RNASEH1: variants seen among roughly 807,000 people sequenced by gnomAD.
The protein encoded by RNASEH1 is ribonuclease H1.
RNASEH1 carries 27 observed loss-of-function variants against 34.6 expected under a neutral mutation model. The ratio of observed to expected loss-of-function variants is 0.78; its 90% CI spans 0.58 to 1.08. The LOEUF (loss-of-function observed/expected upper bound fraction) is 1.08. Ranked by LOEUF, RNASEH1 falls within the 50% of genes least tolerant of loss-of-function variation. The pLI is 0.00. For missense variants in RNASEH1, 349 were observed against 373.6 expected, an observed-to-expected ratio of 0.93 and a Z score of 0.54; for synonymous variants, 162 against 138.4, an observed-to-expected ratio of 1.17 and a Z score of -1.20.
the RNASEH1 span, chr2:3,534,099 TAG>T: frequency 3.3e-5 from 5 of 152,248 alleles, no homozygotes; most frequent in African/African-American, 1.2e-4. Flanking sequence ...CACCTTTGGG[TAG>T]AGACTACTCA....
downstream of RNASEH1, among the ~76,000 whole-genome samples, chr2:3,541,283 C>T (rs184123674): frequency 6.2e-3 from 940 of 150,642 alleles, 9 homozygotes; most frequent in African/African-American, 0.022. Context: ...GAGCCAAGAT[C>T]ACGCCACTGC....
chr2:3,554,658 TAAGA>T (rs1660313613), intron 2 of RNASEH1, among the ~76,000 whole-genome samples: 1 of 152,242 alleles, frequency 6.6e-6, no homozygotes, highest in Non-Finnish European at 1.5e-5. Flanking sequence ...TAGCTTGCTT[TAAGA>T]GTCAGAGTAC....
At chr2:3,554,789 A>G (rs1198087275) in intron 2 of RNASEH1, among the ~76,000 whole-genome samples, 2 of 152,236 alleles carry the variant, frequency 1.3e-5, no homozygotes, top group Non-Finnish European at 2.9e-5. Flanking sequence ...TAAGAAAAGG[A>G]AGTATCAGGA....
chr2:3,557,837 A>G (rs749150117), intron 1 of RNASEH1: 155 of 1,385,266 alleles, frequency 1.1e-4, no homozygotes, highest in African/African-American at 3.2e-4. Flanking sequence ...TTTTTGTTGC[A>G]CTTTAACTGC....
At chr2:3,540,702 C>T, downstream of RNASEH1, among the ~76,000 whole-genome samples, 1 of 152,184 alleles carries the variant, frequency 6.6e-6, no homozygotes. Flanking sequence ...CCACTGCGCC[C>T]AGCCAACATC....
chr2:3,556,947 CTT>C (rs1660564869), intron 1 of RNASEH1, 43 bp from the exon 2 acceptor site: 1 of 1,383,638 alleles, frequency 7.2e-7, no homozygotes, highest in African/African-American at 1.4e-5. Context: ...CCTTCTCTAA[CTT>C]ATCCCCTTTT....
intron 4 of RNASEH1, 199 bp downstream of exon 4, chr2:3,550,174 G>GAAAGA: frequency 2.2e-6 from 1 of 457,498 alleles, no homozygotes; most frequent in African/African-American, 2.1e-5. Context: ...AAAAGCAAAG[G>GAAAGA]AAGTAAAGCT....
intron 4 of RNASEH1, among the ~76,000 whole-genome samples, chr2:3,549,762 C>T (rs913035669): frequency 3.3e-5 from 5 of 151,768 alleles, no homozygotes; most frequent in South Asian, 2.1e-4. Context: ...CTGGCTAACA[C>T]GGTGAAACCC....
At chr2:3,549,533 A>T (rs1669080512) in intron 4 of RNASEH1, among the ~76,000 whole-genome samples, 1 of 152,222 alleles carries the variant, frequency 6.6e-6, no homozygotes, top group Non-Finnish European at 1.5e-5. Context: ...TCACCAGGAG[A>T]TCCAGAGTTT....
chr2:3,549,620 G>A (rs1311470326), intron 4 of RNASEH1, among the ~76,000 whole-genome samples: 1 of 152,146 alleles, frequency 6.6e-6, no homozygotes, highest in African/African-American at 2.4e-5. Flanking sequence ...AGGACAAGGT[G>A]GGAGGATCGC....
chr2:3,533,437 G>A, the RNASEH1 span: 5 of 152,304 alleles, frequency 3.3e-5, no homozygotes, highest in Non-Finnish European at 7.3e-5. Flanking sequence ...CACTGACCAC[G>A]GAGTGGGGAA....
At chr2:3,551,619 C>T (rs1659918337) in intron 3 of RNASEH1, among the ~76,000 whole-genome samples, 1 of 152,116 alleles carries the variant, frequency 6.6e-6, no homozygotes, top group African/African-American at 2.4e-5. Flanking sequence ...ATGCTTATTT[C>T]TACTTTCTGC....
chr2:3,552,361 T>C, intron 2 of RNASEH1, 53 bp from the exon 3 acceptor site: 2 of 1,524,998 alleles, frequency 1.3e-6, no homozygotes, highest in Middle Eastern at 1.7e-4. Context: ...TAACACGAAA[T>C]GCTAGAGAAT....
In RNASEH1 at chr2:3,544,683, T is replaced by G. The variant is rs1572285222; in HGVS notation, c.*1102A>C. 1.3e-5 allele frequency: 2 copies of G among 152,190 alleles called. No homozygotes were observed. The highest frequency in any genetic ancestry group is 3.8e-4 in the East Asian group (2 of 5,200). The allele number at this position is 152,190 out of a possible 1,614,324, so 9.4% of individuals were successfully genotyped here. ...TTATTCACCTTACAATCATAATCATTCAATAAGCTATACATTTGTTTTGTG... is the reference window on the plus strand; with the variant it reads ...TTATTCACCTTACAATCATAATCATGCAATAAGCTATACATTTGTTTTGTG... On this transcript the variant is annotated 3_prime_UTR_variant, in exon 8 of 8. Coordinates refer to ENST00000315212, the MANE Select transcript of RNASEH1 (RefSeq NM_002936.6).
Position 3,556,778 on chromosome 2 carries a change from G to A in RNASEH1, c.244+11C>T. 3 of 1,573,026 alleles carry A rather than the reference G, an allele frequency of 1.9e-6. No homozygotes were observed. The highest frequency in any genetic ancestry group is 1.1e-5 in the South Asian group (1 of 90,280). ...AGGTTAAAATGTCACACTGATATGA[G>A]AGGTGACTACCTTCTGAAACTTCCG... On this transcript the variant is annotated intron_variant, in intron 2 of 7. Transcript: ENST00000315212.
chr2:3,548,347 T>G (rs904817307), intron 6 of RNASEH1, among the ~76,000 whole-genome samples: 1 of 152,196 alleles, frequency 6.6e-6, no homozygotes, highest in Non-Finnish European at 1.5e-5. Flanking sequence ...ATTCAGGGCA[T>G]TTCCCAAAGA....
chr2:3,537,152 G>A (rs1418649087), downstream of RNASEH1, among the ~76,000 whole-genome samples: 1 of 152,178 alleles, frequency 6.6e-6, no homozygotes, highest in Non-Finnish European at 1.5e-5. Context: ...AAAGCATGTT[G>A]TCTACCTAAA....
At chr2:3,538,300 C>T (rs894265878), downstream of RNASEH1, among the ~76,000 whole-genome samples, 3 of 149,584 alleles carry the variant, frequency 2.0e-5, no homozygotes, top group Non-Finnish European at 4.4e-5. Context: ...TGCAGTGAGC[C>T]GAGATGGCAC....
In RNASEH1 at chr2:3,544,493, A is replaced by T. The variant is rs534347351; in HGVS notation, c.*1292T>A. ...TAAACAAAAAAAAGCAGACAAGACT[A>T]AACTGCCATCAAAAAACCAAGAAAG... is the stretch of plus-strand genomic sequence containing the variant. On this transcript the variant is annotated 3_prime_UTR_variant, in exon 8 of 8. Transcript: ENST00000315212. Among the ~76,000 whole-genome samples, 5 of 152,200 alleles carry T rather than the reference A, an allele frequency of 3.3e-5. No homozygotes were observed. The highest frequency in any genetic ancestry group is 5.9e-5 in the Non-Finnish European group (4 of 68,030).
Sources: allele counts gnomAD v4.1 joint callset (sites outside exome capture counted in the v4.1 genomes callset), GRCh38; gene constraint gnomAD v4.1.1; transcripts MANE v1.5; gene names NCBI Gene and HGNC (gene_info 2026-07-23, HGNC 2026-07-21).